NEBL: variants seen among roughly 807,000 people sequenced by gnomAD.
NEBL encodes the protein LIM and SH3 protein 2.
Under a neutral mutation model 140.2 loss-of-function variants are expected in NEBL, and 122 were observed. The ratio of observed to expected loss-of-function variants is 0.87; its 90% CI spans 0.75 to 1.01. NEBL has a LOEUF of 1.01. Ranked by LOEUF, NEBL falls within the 50% of genes least tolerant of loss-of-function variation. NEBL has a pLI of 0.00. For synonymous variants in NEBL, 436 were observed against 398.9 expected (o/e 1.09, Z -1.11); for missense variants, 1,365 against 1,231.3 (o/e 1.11, Z -1.62).
rs116223992 is a variant in NEBL, at chr10:20,863,747, C to A, written c.685-3921G>T. Among the ~76,000 whole-genome samples the A allele has an allele frequency of 5.0e-3, 765 of 152,268 alleles. 5 individuals are homozygous for A. The highest frequency in any genetic ancestry group is 0.017 in the Middle Eastern group (5 of 294). On this transcript the variant is annotated intron_variant, in intron 7 of 27. Transcript: ENST00000377122. ...ATGAGCCCTGTCTCCATGGAGCCTG[C>A]CTTGTGGGAAGTGAAATGGATTTCG...
chr10:21,281,483 T>C (rs541727846), intron 1 of NEBL, among the ~76,000 whole-genome samples: 129 of 106,434 alleles, frequency 1.2e-3, no homozygotes, highest in African/African-American at 3.6e-3. Context: ...CTTTTCTTTC[T>C]TTCTTTTTTT....
chr10:21,166,230 A>G (rs1237948629), intron 2 of NEBL, among the ~76,000 whole-genome samples: 1 of 113,240 alleles, frequency 8.8e-6, no homozygotes, highest in African/African-American at 4.6e-5. Flanking sequence ...AAAAAAAAAA[A>G]AAAAAAAAAA....
At chr10:21,253,669 G>A (rs1209856263) in intron 1 of NEBL, among the ~76,000 whole-genome samples, 2 of 149,980 alleles carry the variant, frequency 1.3e-5, no homozygotes, top group Non-Finnish European at 3.0e-5. Context: ...TCAGCCTCCC[G>A]AGTAGCTGGG....
At chr10:21,028,235 C>CAAAAAAAAAA (rs1168946872) in intron 2 of NEBL, among the ~76,000 whole-genome samples, 38 of 66,198 alleles carry the variant, frequency 5.7e-4, no homozygotes, top group South Asian at 9.2e-4. Flanking sequence ...TCAAACATCT[C>CAAAAAAAAAA]AAAAAAAAAA....
chr10:21,265,395 G>A (rs933299460), intron 1 of NEBL, among the ~76,000 whole-genome samples: 1 of 152,156 alleles, frequency 6.6e-6, no homozygotes, highest in Non-Finnish European at 1.5e-5. Flanking sequence ...CTCTCACGCT[G>A]CAAAACCCCA....
At chr10:20,831,146 CAACAT>C in intron 16 of NEBL, 45 bp downstream of exon 16, 1 of 1,257,810 alleles carries the variant, frequency 8.0e-7, no homozygotes. Context: ...AAGCACATGG[CAACAT>C]GACATTGGAA....
intron 9 of NEBL, among the ~76,000 whole-genome samples, chr10:20,856,390 C>A (rs1004175370): frequency 6.6e-5 from 10 of 152,134 alleles, no homozygotes; most frequent in Admixed American, 1.3e-4. Context: ...TTGAAATTAC[C>A]ACCATGATAT....
chr10:21,135,297 A>C (rs546299211), intron 2 of NEBL, among the ~76,000 whole-genome samples: 2 of 152,250 alleles, frequency 1.3e-5, no homozygotes, highest in South Asian at 2.1e-4. Flanking sequence ...CCACAGGGCC[A>C]ATGCTGACAG....
At chr10:21,194,001 G>T (rs1218881483) in intron 3 of NEBL, among the ~76,000 whole-genome samples, 1 of 152,056 alleles carries the variant, frequency 6.6e-6, no homozygotes, top group Non-Finnish European at 1.5e-5. Flanking sequence ...TTGAGACAAG[G>T]TCTTGCTCTG....
intron 3 of NEBL, among the ~76,000 whole-genome samples, chr10:21,184,973 T>G (rs1841442355): frequency 6.6e-6 from 1 of 152,208 alleles, no homozygotes; most frequent in African/African-American, 2.4e-5. Context: ...AAGTCAACTC[T>G]TCTGTAAAGC....
At chr10:21,098,470 A>C (rs568325542) in intron 2 of NEBL, among the ~76,000 whole-genome samples, 1 of 152,320 alleles carries the variant, frequency 6.6e-6, no homozygotes, top group South Asian at 2.1e-4. Flanking sequence ...ATTATTATGC[A>C]AATAAAACTG....
chr10:21,227,745 TTCTTCTTCTTC>T, intron 3 of NEBL, among the ~76,000 whole-genome samples: 1 of 145,622 alleles, frequency 6.9e-6, no homozygotes, highest in African/African-American at 2.6e-5. Context: ...CTTCTTCTTC[TTCTTCTTCTTC>T]TTCTTCTTCT....
chr10:21,083,476 G>A (rs1442755107), intron 2 of NEBL, among the ~76,000 whole-genome samples: 1 of 152,104 alleles, frequency 6.6e-6, no homozygotes, highest in Admixed American at 6.5e-5. Context: ...AAATATTTTT[G>A]CAATGCTTGA....
chr10:20,787,175 G>A (rs1835485748), intron 27 of NEBL, 27 bp downstream of exon 27: 1 of 1,525,110 alleles, frequency 6.6e-7, no homozygotes, highest in South Asian at 1.2e-5. Flanking sequence ...GACCAGCTAA[G>A]GAGGAACGTA....
intron 2 of NEBL, chr10:21,029,093 C>A (rs1833667445): frequency 8.4e-7 from 1 of 1,194,082 alleles, no homozygotes. Flanking sequence ...GGAGGAAGCA[C>A]CTATGTTTCC....
chr10:21,059,485 T>C (rs1294154983), intron 2 of NEBL, among the ~76,000 whole-genome samples: 2 of 152,262 alleles, frequency 1.3e-5, no homozygotes, highest in African/African-American at 4.8e-5. Flanking sequence ...AAATACTTTG[T>C]GACTACTTCA....
chr10:20,913,896 G>C (rs1199369555), intron 4 of NEBL, among the ~76,000 whole-genome samples: 4 of 152,128 alleles, frequency 2.6e-5, no homozygotes, highest in African/African-American at 9.7e-5. Context: ...TCTTTTTCAG[G>C]CTGTTAGCCT....
intron 4 of NEBL, among the ~76,000 whole-genome samples, chr10:20,953,010 T>C (rs1032509892): frequency 7.2e-5 from 11 of 152,066 alleles, no homozygotes; most frequent in African/African-American, 2.7e-4. Flanking sequence ...TGTGACACTT[T>C]GGATATTTCA....
chr10:20,863,432 C>A (rs1843934783), intron 7 of NEBL, among the ~76,000 whole-genome samples: 1 of 152,158 alleles, frequency 6.6e-6, no homozygotes, highest in Admixed American at 6.5e-5. Context: ...GCAAATAACA[C>A]AATACTACGT....
Sources: allele counts gnomAD v4.1 joint callset (sites outside exome capture counted in the v4.1 genomes callset), GRCh38; gene constraint gnomAD v4.1.1; transcripts MANE v1.5; gene names NCBI Gene and HGNC (gene_info 2026-07-23, HGNC 2026-07-21).